Variants in SLC25A24 observed in about 807,000 individuals in gnomAD.
SLC25A24 encodes mitochondrial adenyl nucleotide antiporter SLC25A24.
Under a neutral mutation model 60.7 loss-of-function variants are expected in SLC25A24, and 49 were observed. The observed-to-expected ratio is 0.81, with a 90% CI of 0.64 to 1.02. The LOEUF (loss-of-function observed/expected upper bound fraction) is 1.02, where lower values mean the gene tolerates loss of function less well. SLC25A24 is among the 50% of genes least tolerant of loss of function. SLC25A24 has a pLI of 0.00. For synonymous variants in SLC25A24, 202 were observed against 200.6 expected, an observed-to-expected ratio of 1.01 and a Z score of -0.06; for missense variants, 564 against 586.3, an observed-to-expected ratio of 0.96 and a Z score of 0.39.
At chr1:108,168,680 G>A (rs553500244) in intron 3 of SLC25A24, among the ~76,000 whole-genome samples, 86 of 152,194 alleles carry the variant, frequency 5.7e-4, no homozygotes, top group Non-Finnish European at 1.0e-3. Flanking sequence ...GTCTTTGCCC[G>A]TTTTTCTAAC....
chr1:108,175,198 A>G (rs481267), intron 3 of SLC25A24, among the ~76,000 whole-genome samples: 106,777 of 151,474 alleles, frequency 0.7, 38,043 homozygotes, highest in African/African-American at 0.81. Context: ...CACATGTCAC[A>G]GGAGGGACCC....
At chr1:108,185,692 T>TTAAA in intron 2 of SLC25A24, 136 bp downstream of exon 2, 1 of 645,596 alleles carries the variant, frequency 1.5e-6, no homozygotes, top group Admixed American at 3.8e-5. Context: ...AAAAATCACA[T>TTAAA]TACTAAAAAA....
In SLC25A24 at chr1:108,193,747, C is replaced by T. The variant is rs1048528474; in HGVS notation, c.183+6209G>A. Among the ~76,000 whole-genome samples, 5 of 140,274 alleles carry T rather than the reference C, an allele frequency of 3.6e-5. 2 individuals are homozygous for T. Among genetic ancestry groups the T allele is most frequent in the Non-Finnish European group, 4.7e-5 (3 of 63,984 alleles). 92.0% of individuals were successfully genotyped at this position (140,274 alleles called of 152,430 possible). A position where few individuals can be genotyped will look rare whatever the true frequency, so the allele number is the denominator to read the frequency against. ...TTTATCTTTTATCTTCATCCAACCA[C>T]TACAATGGCTCCAGGGCAAGCCTAT... On this transcript the variant is annotated intron_variant, in intron 1 of 9. Transcript: ENST00000565488.
At chr1:108,143,394 T>G (rs1274820942) in intron 8 of SLC25A24, 149 bp downstream of exon 8, 6 of 630,024 alleles carry the variant, frequency 9.5e-6, no homozygotes, top group Non-Finnish European at 1.3e-5. Flanking sequence ...ATATTCACAC[T>G]CAAGTTACTT....
intron 9 of SLC25A24, among the ~76,000 whole-genome samples, chr1:108,137,940 A>C (rs997902038): frequency 1.3e-5 from 2 of 152,182 alleles, no homozygotes; most frequent in Admixed American, 1.3e-4. Context: ...CAGCTCCTTA[A>C]ATACACCATG....
chr1:108,136,858 G>A (rs1353122921), intron 9 of SLC25A24, 21 bp from the exon 10 acceptor site: 1 of 1,599,604 alleles, frequency 6.3e-7, no homozygotes, highest in Admixed American at 1.7e-5. Flanking sequence ...AAAAAAGAGG[G>A]TAATTTAATA....
chr1:108,159,567 C>T (rs1302943609), intron 4 of SLC25A24, among the ~76,000 whole-genome samples: 1 of 145,258 alleles, frequency 6.9e-6, no homozygotes, highest in African/African-American at 2.6e-5. Context: ...AGCAGATAAA[C>T]AAGTGAACAA....
In SLC25A24 at chr1:108,191,921, T is replaced by C. The variant is rs1194950026; in HGVS notation, c.184-5967A>G. Among the ~76,000 whole-genome samples, 3 of 139,316 alleles carry C rather than the reference T, an allele frequency of 2.2e-5. 1 individual carries two copies. The highest frequency in any genetic ancestry group is 5.2e-4 in the East Asian group (2 of 3,862). The allele number at this position is 139,316 out of a possible 152,430, so 91.4% of individuals were successfully genotyped here. On this transcript the variant is annotated intron_variant, in intron 1 of 9. Transcript: ENST00000565488. ...GCACAACATGCTGAGAAGGAGCCTG[T>C]AGGTTAGCCTTCTGGGGAAGAGAAG...
chr1:108,141,950 G>A (rs879221390), intron 8 of SLC25A24, among the ~76,000 whole-genome samples: 1 of 152,160 alleles, frequency 6.6e-6, no homozygotes, highest in Admixed American at 6.5e-5. Flanking sequence ...ACCACAAACA[G>A]TTAACACTTA....
rs186772576 is a variant in SLC25A24, at chr1:108,170,437, A to G, written c.399-9144T>C. On this transcript the variant is annotated intron_variant, in intron 3 of 9. Coordinates refer to ENST00000565488, the MANE Select transcript of SLC25A24 (RefSeq NM_013386.5). ...ATACCTAAGAAAAAATATTTTTTCT[A>G]ATTTTTTGATGCTAGGTCCTATTAC... Among the ~76,000 whole-genome samples the G allele has an allele frequency of 9.2e-5, 14 of 152,204 alleles. No individual in the cohort carries two copies. The East Asian group carries it at 2.5e-3, about 27-fold the overall frequency.
At chr1:108,194,181 A>C (rs1648426374) in intron 1 of SLC25A24, among the ~76,000 whole-genome samples, 1 of 138,788 alleles carries the variant, frequency 7.2e-6, no homozygotes, top group Non-Finnish European at 1.6e-5. Flanking sequence ...TGAAATACTC[A>C]TAGGTTTCCC....
At chr1:108,169,619 T>C (rs764277405) in intron 3 of SLC25A24, among the ~76,000 whole-genome samples, 5 of 152,314 alleles carry the variant, frequency 3.3e-5, no homozygotes, top group South Asian at 2.1e-4. Context: ...CTAGAAAGGA[T>C]AGGACAGTGT....
rs192117681 is a variant in SLC25A24 at position 108,169,987 on chromosome 1, T to C, written c.399-8694A>G. Among the ~76,000 whole-genome samples the C allele has an allele frequency of 8.5e-5, 13 of 152,326 alleles. No individual in the cohort carries two copies. In the East Asian group the frequency reaches 2.5e-3, roughly 29 times the overall value. ...TCTTTTCCAACAGTTTCTGGCTTTGTTGATCCTGTTACTGCATCTTTGCTA... is the reference window on the plus strand; with the variant it reads ...TCTTTTCCAACAGTTTCTGGCTTTGCTGATCCTGTTACTGCATCTTTGCTA... On this transcript the variant is annotated intron_variant, in intron 3 of 9. Transcript: ENST00000565488.
intron 2 of SLC25A24, among the ~76,000 whole-genome samples, chr1:108,185,137 C>CCT (rs1194612136): frequency 1.3e-5 from 2 of 151,976 alleles, no homozygotes; most frequent in Non-Finnish European, 2.9e-5. Flanking sequence ...AGTAAGAGGC[C>CCT]CTCACCAGAT....
intron 3 of SLC25A24, among the ~76,000 whole-genome samples, chr1:108,177,159 T>C (rs1647703407): frequency 6.6e-6 from 1 of 152,084 alleles, no homozygotes; most frequent in South Asian, 2.1e-4. Context: ...TGGGGGGTTT[T>C]TGCAATAAAA....
intron 3 of SLC25A24, among the ~76,000 whole-genome samples, chr1:108,178,024 G>A (rs766403663): frequency 7.9e-5 from 12 of 151,986 alleles, no homozygotes; most frequent in Admixed American, 2.0e-4. Context: ...TTAGCTGGGC[G>A]TGGTGGCATG....
intron 8 of SLC25A24, among the ~76,000 whole-genome samples, chr1:108,140,920 T>G (rs1679427886): frequency 1.3e-5 from 2 of 151,754 alleles, no homozygotes; most frequent in Non-Finnish European, 2.9e-5. Flanking sequence ...GCTAGCCAAA[T>G]GACAACAGTA....
At position 108,185,824 on chromosome 1, in the gene SLC25A24, A is replaced by G. The variant is rs144824377; in HGVS notation, c.310+4T>C. 106 of 1,583,440 alleles carry G rather than the reference A, an allele frequency of 6.7e-5. No individual in the cohort carries two copies. In the African/African-American group the frequency reaches 1.2e-3, roughly 18 times the overall value. ...CTGGTGATAAATACAAAAGAAAGAC[A>G]CACCATCATTATTTTTGTCTAAACT... On this transcript the variant is annotated splice_donor_region_variant and intron_variant, in intron 2 of 9. Coordinates refer to ENST00000565488, the MANE Select transcript of SLC25A24 (RefSeq NM_013386.5).
intron 2 of SLC25A24, among the ~76,000 whole-genome samples, chr1:108,185,535 C>T (rs1471050109): frequency 6.6e-6 from 1 of 152,058 alleles, no homozygotes; most frequent in Non-Finnish European, 1.5e-5. Context: ...AGGTTTAACT[C>T]AAATCAGCAT....
Sources: gnomAD v4.1 joint callset for allele counts (sites outside exome capture counted in the v4.1 genomes callset) on GRCh38, gnomAD v4.1.1 for gene constraint, MANE v1.5 for transcripts, NCBI Gene and HGNC (gene_info 2026-07-23, HGNC 2026-07-21) for gene names.